DPP9: variants seen among roughly 807,000 people sequenced by gnomAD.
DPP9 encodes the protein dipeptidyl peptidase IV-related protein-2.
DPP9 carries 50 observed loss-of-function variants against 110.7 expected under a neutral mutation model. That is an observed-to-expected ratio of 0.45 (90% CI 0.36 to 0.57). DPP9 has a LOEUF of 0.57. Among genes scored for constraint, DPP9 ranks in the 20% least tolerant of loss-of-function variants. The pLI, the probability that DPP9 is intolerant of heterozygous loss-of-function variation, is 0.00. For synonymous variants in DPP9, 561 were observed against 514.4 expected, an observed-to-expected ratio of 1.09 and a Z score of -1.23; for missense variants, 1,022 against 1,217.9, an observed-to-expected ratio of 0.84 and a Z score of 2.39.
rs1157494384 is a variant in DPP9, at chr19:4,718,937, C to T, written c.56+914G>A. Among the ~76,000 whole-genome samples the T allele has an allele frequency of 2.0e-5, 3 of 152,100 alleles. No individual in the cohort carries two copies. The highest frequency in any genetic ancestry group is 7.2e-5 in the African/African-American group (3 of 41,404). On this transcript the variant is annotated intron_variant, in intron 3 of 21. Coordinates refer to ENST00000262960, the MANE Select transcript of DPP9 (RefSeq NM_139159.5). This position sits in a 1 kb window ranked among gnomAD's most constrained non-coding sequence, Gnocchi z 4.3. The stretch of plus-strand genomic sequence containing the variant: ...TACCGCCTTTTCATCTCGTGCCAGG[C>T]CCTGAGACATGGAGTTTACTGACTG...
chr19:4,688,634 G>A (rs1410685241), intron 16 of DPP9, 123 bp downstream of exon 16: 4 of 1,199,722 alleles, frequency 3.3e-6, no homozygotes, highest in Non-Finnish European at 4.3e-6. Flanking sequence ...AGGGGCCTGG[G>A]TGCTGTGGGA....
rs775922513 is a variant in DPP9, at chr19:4,684,825, G to T, written c.2032-16C>A. On this transcript the variant is annotated splice_polypyrimidine_tract_variant and intron_variant, in intron 17 of 21. Coordinates refer to ENST00000262960, the MANE Select transcript of DPP9 (RefSeq NM_139159.5). This position sits in a 1 kb window ranked among gnomAD's most constrained non-coding sequence, Gnocchi z 4.8. Reference sequence around the variant, plus strand: ...CCAGCTGCACCTGTGGGGAGGTGAGGGCCAGCAGTCCAGCACGAGATGCCG... The same window carrying T: ...CCAGCTGCACCTGTGGGGAGGTGAGTGCCAGCAGTCCAGCACGAGATGCCG... 1.3e-6 allele frequency: 2 copies of T among 1,584,336 alleles called. No homozygotes were observed. Among genetic ancestry groups the T allele is most frequent in the Middle Eastern group, 1.7e-4 (1 of 6,032 alleles).
intron 16 of DPP9, chr19:4,686,041 T>C (rs7247786): frequency 0.18 from 62,262 of 348,548 alleles, 5,848 homozygotes; most frequent in South Asian, 0.28. Context: ...GCCTCCTGTG[T>C]AGGGTCACTG....
At position 4,682,847 on chromosome 19, in the gene DPP9, C is replaced by T. The variant is rs1397156664; in HGVS notation, c.2332-9G>A. On this transcript the variant is annotated splice_polypyrimidine_tract_variant and intron_variant, in intron 19 of 21. Transcript: ENST00000262960. The surrounding 1 kb of genome is among the most constrained non-coding windows in gnomAD (Gnocchi z 7.1). ...GCACCCGCGATGGCCACCTGAGGGA[C>T]ACAGCAGACAGATGGGGGCAGAGAG... The T allele has an allele frequency of 5.7e-6, 9 of 1,575,382 alleles. No individual in the cohort carries two copies. In the South Asian group the frequency reaches 9.3e-5, roughly 16 times the overall value.
rs912808947 is a variant in DPP9 at position 4,710,233 on chromosome 19, G to A, written c.313+3848C>T. 2.0e-5 allele frequency among the ~76,000 whole-genome samples: 3 copies of A among 149,750 alleles called. No individual in the cohort carries two copies. The highest frequency in any genetic ancestry group is 7.6e-5 in the African/African-American group (3 of 39,628). ...TGTGGCCTCGAGTGGCTGGCCTGGT[G>A]GGGGATCGTGATCCACACAGGGCTA... On this transcript the variant is annotated intron_variant, in intron 4 of 21. Coordinates refer to ENST00000262960, the MANE Select transcript of DPP9 (RefSeq NM_139159.5). The surrounding 1 kb of genome is among the most constrained non-coding windows in gnomAD (Gnocchi z 5.6).
intron 1 of DPP9, 188 bp from the exon 2 acceptor site, chr19:4,722,739 C>T (rs960219994): frequency 3.4e-6 from 2 of 579,776 alleles, no homozygotes; most frequent in Non-Finnish European, 3.1e-6. Context: ...AGCCATCCCA[C>T]GGGCCCCGAT....
intron 11 of DPP9, among the ~76,000 whole-genome samples, chr19:4,696,036 G>A (rs1286481783): frequency 6.6e-6 from 1 of 152,006 alleles, no homozygotes; most frequent in Non-Finnish European, 1.5e-5. Flanking sequence ...GAGTAGCTGG[G>A]ATTATAGGTG....
Position 4,710,160 on chromosome 19 carries a change from C to A in DPP9, c.313+3921G>T, listed in dbSNP as rs2092764124. Among the ~76,000 whole-genome samples, 1 of 152,236 alleles carries A rather than the reference C, an allele frequency of 6.6e-6. No individual in the cohort carries two copies. Among genetic ancestry groups the A allele is most frequent in the South Asian group, 2.1e-4 (1 of 4,828 alleles). On this transcript the variant is annotated intron_variant, in intron 4 of 21. Coordinates refer to ENST00000262960, the MANE Select transcript of DPP9 (RefSeq NM_139159.5). This position sits in a 1 kb window ranked among gnomAD's most constrained non-coding sequence, Gnocchi z 5.6. ...GATGCCAACCTGTCACCCACCCATG[C>A]CCCGGTGACCCAGGCCTGCGCAAAC...
chr19:4,678,946 C>T (rs1319092753), intron 21 of DPP9, among the ~76,000 whole-genome samples: 1 of 152,112 alleles, frequency 6.6e-6, no homozygotes. Context: ...AGCCGCCCAA[C>T]TCTATGCTCT....
rs1204122214 is a variant in DPP9, at chr19:4,722,758, G to A, written c.-88-207C>T. 53 of 567,848 alleles carry A rather than the reference G, an allele frequency of 9.3e-5. No homozygotes were observed. In the East Asian group the frequency reaches 1.4e-3, roughly 15 times the overall value. 35.2% of individuals were successfully genotyped at this position (567,848 alleles called of 1,614,324 possible). ...ATCCCACGGGCCCCGATTCCCCTGG[G>A]ACCCAGCAGAGGAATGCAGGGATTG... On this transcript the variant is annotated intron_variant, in intron 1 of 21. Transcript: ENST00000262960.
rs1231370431 is a variant in DPP9, at chr19:4,695,122, G to T, written c.1353+256C>A. 1 of 582,052 alleles carries T rather than the reference G, an allele frequency of 1.7e-6. No homozygotes were observed. Among genetic ancestry groups the T allele is most frequent in the South Asian group, 2.2e-5 (1 of 45,354 alleles). The allele number at this position is 582,052 out of a possible 1,614,324, so 36.1% of individuals were successfully genotyped here. A position where few individuals can be genotyped will look rare whatever the true frequency, so the allele number is the denominator to read the frequency against. On this transcript the variant is annotated intron_variant, in intron 12 of 21. Transcript: ENST00000262960. The surrounding 1 kb of genome is among the most constrained non-coding windows in gnomAD (Gnocchi z 4.7). ...GCTATGACCACACCACTGCACTCTA[G>T]TCTGGGCAACAGAGCAACCCTGTCT... is the stretch of plus-strand genomic sequence containing the variant.
In DPP9 at chr19:4,676,240, G is replaced by A; in HGVS notation, c.*324C>T. The A allele has an allele frequency of 3.1e-6, 1 of 318,338 alleles. No individual in the cohort carries two copies. The highest frequency in any genetic ancestry group is 6.7e-5 in the East Asian group (1 of 14,988). The allele number at this position is 318,338 out of a possible 1,614,324, so 19.7% of individuals were successfully genotyped here. A position where few individuals can be genotyped will look rare whatever the true frequency, so the allele number is the denominator to read the frequency against. Reference sequence around the variant, plus strand: ...GGGAGCCCCAGGCGGAAGGCAGCCCGCTCCTCTGAGTCTCTTCTGGCCTCT... The same window carrying A: ...GGGAGCCCCAGGCGGAAGGCAGCCCACTCCTCTGAGTCTCTTCTGGCCTCT... On this transcript the variant is annotated 3_prime_UTR_variant, in exon 22 of 22. Coordinates refer to ENST00000262960, the MANE Select transcript of DPP9 (RefSeq NM_139159.5). This position sits in a 1 kb window ranked among gnomAD's most constrained non-coding sequence, Gnocchi z 4.0.
chr19:4,701,518 C>T (rs1404334156), intron 9 of DPP9, among the ~76,000 whole-genome samples: 1 of 152,204 alleles, frequency 6.6e-6, no homozygotes, highest in Non-Finnish European at 1.5e-5. Flanking sequence ...AGGGCCAAAT[C>T]CAGCCTGCCT....
intron 2 of DPP9, among the ~76,000 whole-genome samples, chr19:4,720,211 A>C (rs775376664): frequency 7.2e-5 from 11 of 152,190 alleles, no homozygotes; most frequent in Non-Finnish European, 1.5e-4. Flanking sequence ...AAGTGACTCC[A>C]GGGACATCAC....
At chr19:4,703,614 ACTCCCGCCTGCG>A (rs1468721305) in intron 7 of DPP9, among the ~76,000 whole-genome samples, 19 of 147,694 alleles carry the variant, frequency 1.3e-4, no homozygotes, top group African/African-American at 3.8e-4. Flanking sequence ...CCACCTGGGC[ACTCCCGCCTGCG>A]CTCCCGCCTG....
At chr19:4,679,295 A>G (rs908107504) in intron 21 of DPP9, 1 of 154,564 alleles carries the variant, frequency 6.5e-6, no homozygotes, top group African/African-American at 2.4e-5. Flanking sequence ...TTAGCGCAGA[A>G]GCCCCGCCCA....
intron 20 of DPP9, among the ~76,000 whole-genome samples, chr19:4,680,998 G>T (rs1348454357): frequency 6.6e-6 from 1 of 152,148 alleles, no homozygotes; most frequent in African/African-American, 2.4e-5. Flanking sequence ...TGCTGTCTGT[G>T]GTCTGGAGTG....
In DPP9 at chr19:4,718,917, C is replaced by T. The variant is rs933345547; in HGVS notation, c.56+934G>A. ...TCGCAGGGTCGAGGAATTCCTACCG[C>T]CTTTTCATCTCGTGCCAGGCCCTGA... On this transcript the variant is annotated intron_variant, in intron 3 of 21. Coordinates refer to ENST00000262960, the MANE Select transcript of DPP9 (RefSeq NM_139159.5). The surrounding 1 kb of genome is among the most constrained non-coding windows in gnomAD (Gnocchi z 4.3). Among the ~76,000 whole-genome samples the T allele has an allele frequency of 1.3e-5, 2 of 152,164 alleles. No homozygotes were observed. Among genetic ancestry groups the T allele is most frequent in the Non-Finnish European group, 2.9e-5 (2 of 68,022 alleles).
rs779771087 is a variant in DPP9, at chr19:4,688,897, G to A, written c.1750-5C>T. On this transcript the variant is annotated splice_polypyrimidine_tract_variant and splice_region_variant and intron_variant, in intron 15 of 21. Coordinates refer to ENST00000262960, the MANE Select transcript of DPP9 (RefSeq NM_139159.5). Reference sequence around the variant, plus strand: ...GCTGACGAACATGTCGAAGTTCTGGGGGTGGAATGGGGTGATGAGCTCCAC... The same window carrying A: ...GCTGACGAACATGTCGAAGTTCTGGAGGTGGAATGGGGTGATGAGCTCCAC... 2 of 1,514,742 alleles carry A rather than the reference G, an allele frequency of 1.3e-6. No homozygotes were observed. The highest frequency in any genetic ancestry group is 1.7e-6 in the Non-Finnish European group (2 of 1,148,270). 93.8% of individuals were successfully genotyped at this position (1,514,742 alleles called of 1,614,324 possible).
Sources: allele counts gnomAD v4.1 joint callset (sites outside exome capture counted in the v4.1 genomes callset), GRCh38; gene constraint gnomAD v4.1.1; non-coding constraint Gnocchi (gnomAD v3.1); transcripts MANE v1.5; gene names NCBI Gene and HGNC (gene_info 2026-07-23, HGNC 2026-07-21).